LARP1B: variants seen among roughly 807,000 people sequenced by gnomAD.
LARP1B encodes the protein La ribonucleoprotein 1B.
LARP1B carries 76 observed loss-of-function variants against 114.2 expected under a neutral mutation model. That is an observed-to-expected ratio of 0.67 (90% CI 0.55 to 0.81). The LOEUF is 0.81. LARP1B is among the 30% of genes least tolerant of loss of function. The pLI, the probability that LARP1B is intolerant of heterozygous loss-of-function variation, is 0.00. For synonymous variants in LARP1B, 345 were observed against 348.0 expected, an observed-to-expected ratio of 0.99 and a Z score of 0.10; for missense variants, 1,014 against 1,075.8, an observed-to-expected ratio of 0.94 and a Z score of 0.80.
chr4:128,093,612 AAAAT>A (rs1353073171), intron 7 of LARP1B, among the ~76,000 whole-genome samples: 1 of 152,132 alleles, frequency 6.6e-6, no homozygotes, highest in African/African-American at 2.4e-5. Context: ...GAAAGAAAAA[AAAAT>A]GTTTTCCTGA....
chr4:128,100,277 T>C (rs983577912), intron 8 of LARP1B, among the ~76,000 whole-genome samples: 1 of 150,170 alleles, frequency 6.7e-6, no homozygotes, highest in Non-Finnish European at 1.5e-5. Context: ...ATTGTGTTTT[T>C]TTGTTTGTTT....
intron 1 of LARP1B, among the ~76,000 whole-genome samples, chr4:128,072,856 C>A (rs1765913293): frequency 6.6e-6 from 1 of 152,084 alleles, no homozygotes; most frequent in African/African-American, 2.4e-5. Context: ...CTGAGCCTGG[C>A]CTGTATATAT....
At chr4:128,156,060 C>T (rs1205564270) in intron 11 of LARP1B, 14 of 1,589,320 alleles carry the variant, frequency 8.8e-6, no homozygotes, top group Non-Finnish European at 1.0e-5. Context: ...TGACCACACC[C>T]TCCCTAACTC....
At chr4:128,139,877 A>T (rs542162831) in intron 11 of LARP1B, among the ~76,000 whole-genome samples, 151 of 91,318 alleles carry the variant, frequency 1.7e-3, no homozygotes, top group African/African-American at 4.4e-3. Context: ...CAAGAACCTC[A>T]ATCTGTGGGA....
At chr4:128,062,316 G>C (rs1760472380) in intron 1 of LARP1B, 1 of 973,472 alleles carries the variant, frequency 1.0e-6, no homozygotes, top group Admixed American at 6.1e-5. Flanking sequence ...CACCAGGCCC[G>C]GGTAACGGCA....
intron 5 of LARP1B, among the ~76,000 whole-genome samples, chr4:128,086,282 G>A (rs754560941): frequency 1.3e-5 from 2 of 152,036 alleles, no homozygotes; most frequent in Non-Finnish European, 2.9e-5. Flanking sequence ...TAGGATTACA[G>A]GCGTGAGCCA....
intron 11 of LARP1B, among the ~76,000 whole-genome samples, chr4:128,157,531 G>C (rs1011342748): frequency 6.6e-6 from 1 of 152,032 alleles, no homozygotes; most frequent in African/African-American, 2.4e-5. Flanking sequence ...TAAATACAGA[G>C]AAAACCTCAT....
In LARP1B at chr4:128,114,724, A is replaced by G. The variant is rs377750858; in HGVS notation, c.1143A>G (p.Pro381=). The G allele has an allele frequency of 4.2e-5, 68 of 1,614,012 alleles. No individual in the cohort carries two copies. The highest frequency in any genetic ancestry group is 5.6e-5 in the Non-Finnish European group (66 of 1,180,030). ...PWIEVKKRHQ[P]APVKLRESVS... is the part of the protein sequence containing the mutation. ...TAGAAGTTAAAAAAAGACATCAGCC[A>G]GCCCCAGTGAAATTGAGGGTAAGTT... The change falls in exon 10 of 20, where the codon CCA becomes CCG. Residue 381 remains proline (P), a synonymous_variant. Coordinates refer to ENST00000326639, the MANE Select transcript of LARP1B (RefSeq NM_018078.4).
At chr4:128,152,104 G>A (rs988595331) in intron 11 of LARP1B, among the ~76,000 whole-genome samples, 1 of 151,992 alleles carries the variant, frequency 6.6e-6, no homozygotes, top group African/African-American at 2.4e-5. Flanking sequence ...GATCCTTGGA[G>A]TGATATTTTA....
chr4:128,131,375 T>C (rs571216709), intron 11 of LARP1B, among the ~76,000 whole-genome samples: 88 of 152,290 alleles, frequency 5.8e-4, no homozygotes, highest in Non-Finnish European at 9.1e-4. Flanking sequence ...GCAAAGAGCT[T>C]ATTTTCTTCT....
intron 10 of LARP1B, among the ~76,000 whole-genome samples, chr4:128,116,493 G>C (rs991717361): frequency 4.6e-5 from 7 of 152,202 alleles, no homozygotes; most frequent in African/African-American, 1.7e-4. Flanking sequence ...CTCTAAAGGG[G>C]ATGGAAGGTA....
chr4:128,158,780 A>G (rs1339534637), intron 11 of LARP1B, among the ~76,000 whole-genome samples: 1 of 152,212 alleles, frequency 6.6e-6, no homozygotes, highest in Non-Finnish European at 1.5e-5. Context: ...TTATAGATTC[A>G]CAGGAAGTTG....
At chr4:128,079,532 C>T (rs1169102552) in intron 4 of LARP1B, among the ~76,000 whole-genome samples, 2 of 151,812 alleles carry the variant, frequency 1.3e-5, no homozygotes, top group Non-Finnish European at 2.9e-5. Flanking sequence ...AAAATTTCTT[C>T]CTGTTTCTTT....
At chr4:128,082,089 G>T in intron 4 of LARP1B, 76 bp from the exon 5 acceptor site, 1 of 1,341,594 alleles carries the variant, frequency 7.5e-7, no homozygotes, top group Non-Finnish European at 1.1e-6. Context: ...TTTGATTAAA[G>T]TTCAGAGTGC....
intron 7 of LARP1B, among the ~76,000 whole-genome samples, chr4:128,221,322 A>C (rs1760015811): frequency 6.6e-6 from 1 of 152,188 alleles, no homozygotes; most frequent in Non-Finnish European, 1.5e-5. Flanking sequence ...ATTTAGGGTT[A>C]TTATTGACAA....
At chr4:128,176,723 T>C in intron 12 of LARP1B, 149 bp from the exon 13 acceptor site, 1 of 672,394 alleles carries the variant, frequency 1.5e-6, no homozygotes, top group Non-Finnish European at 2.6e-6. Flanking sequence ...GATGCAGTTG[T>C]GGTAGTTGCT....
Position 128,200,630 on chromosome 4 carries a change from A to G in LARP1B, c.2274A>G (p.Arg758=). ...ATAAAAAAATGTATGAGGAATTTAG[A>G]CAACTTGCTTGGGAAGATGCAAAAG... The part of the protein sequence containing the change: ...HFNKKMYEEF[R]QLAWEDAKEN... Residue 758 remains arginine (R), a synonymous_variant, in exon 17 of 20, where the codon AGA becomes AGG. Coordinates refer to ENST00000326639, the MANE Select transcript of LARP1B (RefSeq NM_018078.4). The G allele has an allele frequency of 1.9e-6, 3 of 1,586,780 alleles. No individual in the cohort carries two copies. The highest frequency in any genetic ancestry group is 2.6e-6 in the Non-Finnish European group (3 of 1,169,496).
chr4:128,076,236 C>A (rs1203834738), intron 3 of LARP1B, among the ~76,000 whole-genome samples: 1 of 152,188 alleles, frequency 6.6e-6, no homozygotes, highest in Non-Finnish European at 1.5e-5. Flanking sequence ...AACTCCTGAC[C>A]TCAGGTGATC....
chr4:128,114,804 C>G, intron 10 of LARP1B, 62 bp downstream of exon 10: 1 of 1,454,062 alleles, frequency 6.9e-7, no homozygotes, highest in Non-Finnish European at 9.5e-7. Flanking sequence ...GGTCAGTGCA[C>G]TTTATGTTTG....
Sources: gnomAD v4.1 joint callset for allele counts (sites outside exome capture counted in the v4.1 genomes callset) on GRCh38, gnomAD v4.1.1 for gene constraint, MANE v1.5 for transcripts, NCBI Gene and HGNC (gene_info 2026-07-23, HGNC 2026-07-21) for gene names.